Variants in SPOCK3 observed in about 807,000 individuals in gnomAD.
SPOCK3 encodes the protein SPARC (osteonectin), cwcv and kazal like domains proteoglycan 3.
A neutral mutation model predicts 56.6 loss-of-function variants in SPOCK3; 30 were observed. That is an observed-to-expected ratio of 0.53 (90% CI 0.40 to 0.72). The LOEUF is 0.72. SPOCK3 is among the 30% of genes least tolerant of loss of function. SPOCK3 has a pLI of 0.00. For missense variants in SPOCK3, 527 were observed against 530.0 expected (o/e 0.99, Z 0.06); for synonymous variants, 196 against 183.3 (o/e 1.07, Z -0.56).
At chr4:167,140,365 C>T (rs1240576422) in intron 2 of SPOCK3, among the ~76,000 whole-genome samples, 1 of 152,008 alleles carries the variant, frequency 6.6e-6, no homozygotes, top group Non-Finnish European at 1.5e-5. Context: ...ATAGACATAG[C>T]TTATACCTAA....
chr4:166,741,368 T>C (rs1349620561), intron 9 of SPOCK3, among the ~76,000 whole-genome samples: 1 of 152,236 alleles, frequency 6.6e-6, no homozygotes, highest in East Asian at 1.9e-4. Context: ...CCTTTGTCAC[T>C]GTTTTTATAA....
chr4:167,029,391 A>AT, intron 3 of SPOCK3, among the ~76,000 whole-genome samples: 1 of 151,876 alleles, frequency 6.6e-6, no homozygotes. Context: ...ATGTACCATT[A>AT]TTTTTTGCAT....
chr4:166,739,666 A>G (rs1264861475), intron 9 of SPOCK3, among the ~76,000 whole-genome samples: 1 of 151,320 alleles, frequency 6.6e-6, no homozygotes, highest in African/African-American at 2.4e-5. Flanking sequence ...CCAGAATATA[A>G]GTTCCAGGAG....
chr4:166,927,501 C>T (rs186896174), intron 4 of SPOCK3, among the ~76,000 whole-genome samples: 1 of 152,280 alleles, frequency 6.6e-6, no homozygotes, highest in East Asian at 1.9e-4. Context: ...TCCCCACTCT[C>T]AGGTATGTCT....
chr4:167,181,700 C>A (rs373610132), intron 2 of SPOCK3, among the ~76,000 whole-genome samples: 22 of 152,170 alleles, frequency 1.4e-4, no homozygotes, highest in African/African-American at 5.3e-4. Context: ...CTGGAAAGCT[C>A]TTTAATTAAA....
chr4:167,220,357 A>C (rs1238149923), intron 2 of SPOCK3, among the ~76,000 whole-genome samples: 1 of 150,288 alleles, frequency 6.7e-6, no homozygotes, highest in African/African-American at 2.5e-5. Flanking sequence ...CTTCTAATCC[A>C]AACAACAGAT....
At chr4:167,101,126 A>T (rs1759601759) in intron 2 of SPOCK3, among the ~76,000 whole-genome samples, 1 of 152,118 alleles carries the variant, frequency 6.6e-6, no homozygotes, top group African/African-American at 2.4e-5. Flanking sequence ...TGTTCTCTTA[A>T]GTGGTGGCTG....
In SPOCK3 at chr4:166,792,155, A is replaced by T. The variant is rs749103859; in HGVS notation, c.709+15T>A. On this transcript the variant is annotated intron_variant, in intron 7 of 10. Transcript: ENST00000357545. ...TAACAGATACAGTAGCAATGATCAA[A>T]TTTAGAAATCTTACTGCTTCTCTCA... 1 of 1,613,682 alleles carries T rather than the reference A, an allele frequency of 6.2e-7. No individual in the cohort carries two copies. Among genetic ancestry groups the T allele is most frequent in the South Asian group, 1.1e-5 (1 of 91,078 alleles).
intron 10 of SPOCK3, among the ~76,000 whole-genome samples, chr4:166,735,794 T>A (rs907374146): frequency 5.3e-5 from 8 of 152,032 alleles, no homozygotes; most frequent in Admixed American, 5.3e-4. Flanking sequence ...CCTGCTGACA[T>A]CTGGATGTTG....
intron 6 of SPOCK3, among the ~76,000 whole-genome samples, chr4:166,804,465 G>A (rs553918001): frequency 1.3e-5 from 2 of 152,140 alleles, no homozygotes; most frequent in Non-Finnish European, 2.9e-5. Context: ...AACATATGAT[G>A]CAATTCAGGC....
At chr4:167,127,078 T>A (rs1023711417) in intron 2 of SPOCK3, among the ~76,000 whole-genome samples, 17 of 152,180 alleles carry the variant, frequency 1.1e-4, no homozygotes, top group Admixed American at 7.9e-4. Flanking sequence ...GTGAGGAGAA[T>A]TGATTGACTG....
chr4:167,017,699 C>T lies in SPOCK3; in HGVS notation c.236-17236G>A, dbSNP rs1750757513. On this transcript the variant is annotated intron_variant, in intron 3 of 10. Coordinates refer to ENST00000357545, the MANE Select transcript of SPOCK3 (RefSeq NM_001040159.2). ...ATCCTCACTGCCAGCCCAGCCCCAT[C>T]CTGACCGTTTGTATATGAATGTATG... Among the ~76,000 whole-genome samples, 3 of 152,118 alleles carry T rather than the reference C, an allele frequency of 2.0e-5. No individual in the cohort carries two copies. In the Middle Eastern group the frequency reaches 0.01, roughly 521 times the overall value.
intron 2 of SPOCK3, among the ~76,000 whole-genome samples, chr4:167,144,090 C>T (rs1051959809): frequency 6.6e-6 from 1 of 151,978 alleles, no homozygotes; most frequent in Admixed American, 6.6e-5. Flanking sequence ...TTTGCTACTA[C>T]TTGCTTCATA....
At chr4:166,768,659 C>T (rs184170388) in intron 7 of SPOCK3, among the ~76,000 whole-genome samples, 79 of 152,160 alleles carry the variant, frequency 5.2e-4, no homozygotes, top group African/African-American at 1.9e-3. Flanking sequence ...CTGATAATTA[C>T]GTATCTTGGA....
intron 6 of SPOCK3, among the ~76,000 whole-genome samples, chr4:166,831,762 T>G (rs1003290847): frequency 5.3e-5 from 8 of 151,378 alleles, no homozygotes; most frequent in Non-Finnish European, 1.0e-4. Context: ...ATTTTTGTTT[T>G]TTTTTTTTTA....
intron 3 of SPOCK3, among the ~76,000 whole-genome samples, chr4:167,060,834 C>T (rs920725830): frequency 2.0e-5 from 3 of 152,016 alleles, no homozygotes; most frequent in African/African-American, 7.2e-5. Context: ...GGAATATAAC[C>T]TGAGCAGGAG....
At chr4:167,180,419 G>GCAGCCTGAGAGTGAGTGTT (rs1731354819) in intron 2 of SPOCK3, among the ~76,000 whole-genome samples, 1 of 152,178 alleles carries the variant, frequency 6.6e-6, no homozygotes, top group East Asian at 1.9e-4. Flanking sequence ...CATGTGAGCA[G>GCAGCCTGAGAGTGAGTGTT]CAGCCTGAGA....
At chr4:167,129,761 A>G (rs1300877766) in intron 2 of SPOCK3, among the ~76,000 whole-genome samples, 1 of 152,172 alleles carries the variant, frequency 6.6e-6, no homozygotes, top group African/African-American at 2.4e-5. Flanking sequence ...AAGAACCTAG[A>G]TAAAAAATAA....
intron 2 of SPOCK3, among the ~76,000 whole-genome samples, chr4:167,078,975 A>C (rs895998106): frequency 9.9e-5 from 15 of 151,834 alleles, no homozygotes; most frequent in Admixed American, 9.2e-4. Context: ...ATAGGAGAGC[A>C]GTTTTACAAT....
Sources: allele counts gnomAD v4.1 joint callset (sites outside exome capture counted in the v4.1 genomes callset), GRCh38; gene constraint gnomAD v4.1.1; transcripts MANE v1.5; gene names NCBI Gene and HGNC (gene_info 2026-07-23, HGNC 2026-07-21).